KCTD16: variants seen among roughly 807,000 people sequenced by gnomAD.
KCTD16 encodes BTB/POZ domain-containing protein KCTD16.
In KCTD16, 13 loss-of-function variants were observed where a neutral mutation model predicts 33.2. The observed-to-expected ratio is 0.39, with a 90% CI of 0.25 to 0.62. The LOEUF (loss-of-function observed/expected upper bound fraction) is 0.62. Ranked by LOEUF, KCTD16 falls within the 20% of genes least tolerant of loss-of-function variation. The pLI, the probability that KCTD16 is intolerant of heterozygous loss-of-function variation, is 0.50. For missense variants in KCTD16, 441 were observed against 525.1 expected (o/e 0.84, Z 1.57); for synonymous variants, 197 against 195.3 (o/e 1.01, Z -0.07).
intron 3 of KCTD16, among the ~76,000 whole-genome samples, chr5:144,299,134 A>G (rs1231313566): frequency 1.0e-4 from 3 of 29,754 alleles, no homozygotes; most frequent in Non-Finnish European, 1.5e-4. Flanking sequence ...ATATATATAT[A>G]TATATATATA....
chr5:144,445,906 G>A (rs865810809), intron 3 of KCTD16, among the ~76,000 whole-genome samples: 1 of 151,978 alleles, frequency 6.6e-6, no homozygotes, highest in African/African-American at 2.4e-5. Context: ...AGTTTAGGGA[G>A]AGACTCTCCC....
intron 3 of KCTD16, among the ~76,000 whole-genome samples, chr5:144,380,244 C>G (rs1227775657): frequency 6.6e-6 from 1 of 151,718 alleles, no homozygotes; most frequent in Non-Finnish European, 1.5e-5. Context: ...TTCACAACAG[C>G]CACAAAAAGA....
intron 3 of KCTD16, among the ~76,000 whole-genome samples, chr5:144,413,449 G>T (rs1362590518): frequency 1.3e-5 from 2 of 152,180 alleles, no homozygotes; most frequent in African/African-American, 4.8e-5. Flanking sequence ...TCCATAAATT[G>T]AAGATTACAC....
In KCTD16 at chr5:144,175,608, A is replaced by G. The variant is rs537810824; in HGVS notation, c.-327+1136A>G. ...TCATGTATGTTAATTGATATTGCAT[A>G]GTAGTTAAGGGTAGAGGCCCTGGAG... On this transcript the variant is annotated intron_variant, in intron 2 of 3. Coordinates refer to ENST00000512467, the MANE Select transcript of KCTD16 (RefSeq NM_020768.4). 2.3e-4 allele frequency among the ~76,000 whole-genome samples: 35 copies of G among 152,318 alleles called. No individual in the cohort carries two copies. The South Asian group carries it at 6.2e-3, about 27-fold the overall frequency.
chr5:144,426,627 T>TA (rs1044396168), intron 3 of KCTD16, among the ~76,000 whole-genome samples: 3 of 151,914 alleles, frequency 2.0e-5, no homozygotes, highest in Admixed American at 6.6e-5. Flanking sequence ...GAGTAATTTA[T>TA]AAAAAAAATA....
chr5:144,328,834 G>T (rs904459654), intron 3 of KCTD16, among the ~76,000 whole-genome samples: 2 of 151,168 alleles, frequency 1.3e-5, no homozygotes, highest in Admixed American at 6.6e-5. Context: ...GCATCTTATG[G>T]CTGGGAAAGA....
chr5:144,306,913 T>C (rs1301077021), intron 3 of KCTD16, among the ~76,000 whole-genome samples: 2 of 152,218 alleles, frequency 1.3e-5, no homozygotes, highest in African/African-American at 4.8e-5. Context: ...TGTTAACACA[T>C]ACCAGAACCA....
chr5:144,296,608 T>C (rs187437621), intron 3 of KCTD16, among the ~76,000 whole-genome samples: 80 of 152,304 alleles, frequency 5.3e-4, no homozygotes, highest in African/African-American at 1.8e-3. Context: ...CTTCACTGTA[T>C]TCTAAGTGCC....
chr5:144,350,734 A>C (rs1342798002), intron 3 of KCTD16, among the ~76,000 whole-genome samples: 1 of 151,890 alleles, frequency 6.6e-6, no homozygotes, highest in Non-Finnish European at 1.5e-5. Flanking sequence ...TAAGATTATA[A>C]TAATTCTCTT....
intron 3 of KCTD16, among the ~76,000 whole-genome samples, chr5:144,350,983 C>A (rs567016965): frequency 6.6e-6 from 1 of 152,108 alleles, no homozygotes; most frequent in Non-Finnish European, 1.5e-5. Flanking sequence ...TTGTAAGAAG[C>A]AAGAAAATTG....
intron 3 of KCTD16, among the ~76,000 whole-genome samples, chr5:144,342,091 G>GT (rs1752663091): frequency 6.6e-6 from 1 of 152,136 alleles, no homozygotes; most frequent in South Asian, 2.1e-4. Context: ...CTTTAAAGTA[G>GT]TTTTTTCCAA....
chr5:144,465,204 T>TCC (rs1409668428), intron 3 of KCTD16, among the ~76,000 whole-genome samples: 1 of 128,378 alleles, frequency 7.8e-6, no homozygotes. Context: ...TCTCTCACTC[T>TCC]CTCTCTCTCT....
intron 3 of KCTD16, among the ~76,000 whole-genome samples, chr5:144,399,470 A>C (rs956134172): frequency 6.6e-6 from 1 of 152,150 alleles, no homozygotes; most frequent in African/African-American, 2.4e-5. Context: ...TCCCATTAGC[A>C]AAGTGGTTGT....
chr5:144,324,206 C>T (rs1249762378), intron 3 of KCTD16, among the ~76,000 whole-genome samples: 1 of 152,080 alleles, frequency 6.6e-6, no homozygotes, highest in Non-Finnish European at 1.5e-5. Context: ...AAATAGTACC[C>T]CAGACTCCAG....
chr5:144,417,069 C>T (rs184863093), intron 3 of KCTD16, among the ~76,000 whole-genome samples: 5 of 152,194 alleles, frequency 3.3e-5, no homozygotes, highest in East Asian at 1.9e-4. Flanking sequence ...TTGTGAATAG[C>T]GCTGCTATCA....
chr5:144,419,151 T>G (rs1753152256), intron 3 of KCTD16, among the ~76,000 whole-genome samples: 1 of 152,150 alleles, frequency 6.6e-6, no homozygotes, highest in Admixed American at 6.6e-5. Flanking sequence ...TTGTGCCCAT[T>G]TGACACATAT....
intron 3 of KCTD16, among the ~76,000 whole-genome samples, chr5:144,424,423 A>G (rs1753277951): frequency 6.6e-6 from 1 of 152,194 alleles, no homozygotes; most frequent in African/African-American, 2.4e-5. Context: ...ATAGAAAATC[A>G]GTAAGTACAC....
intron 3 of KCTD16, among the ~76,000 whole-genome samples, chr5:144,397,055 T>C (rs1337668338): frequency 2.0e-5 from 3 of 151,114 alleles, no homozygotes; most frequent in Admixed American, 6.6e-5. Context: ...GTATATCTCC[T>C]AATGCTATCA....
chr5:144,482,393 G>A lies in KCTD16; in HGVS notation c.*8279G>A, dbSNP rs1438327661. The A allele has an allele frequency of 2.0e-5, 3 of 151,958 alleles. No individual in the cohort carries two copies. In the East Asian group the frequency reaches 5.8e-4, roughly 29 times the overall value. The allele number at this position is 151,958 out of a possible 1,614,324, so 9.4% of individuals were successfully genotyped here. On this transcript the variant is annotated 3_prime_UTR_variant, in exon 4 of 4. Coordinates refer to ENST00000512467, the MANE Select transcript of KCTD16 (RefSeq NM_020768.4). ...CCGTGATAAGCTAGCTTCCACGTCT[G>A]GAGAAAATGACACCTGCAATTGCTT...
Sources: allele counts gnomAD v4.1 joint callset (sites outside exome capture counted in the v4.1 genomes callset), GRCh38; gene constraint gnomAD v4.1.1; transcripts MANE v1.5; gene names NCBI Gene and HGNC (gene_info 2026-07-23, HGNC 2026-07-21).